The following AKAP6 variants were observed in gnomAD, a reference collection of about 807,000 sequenced individuals.
The protein encoded by AKAP6 is A-kinase anchor protein 6.
Under a neutral mutation model 188.5 loss-of-function variants are expected in AKAP6, and 58 were observed. That is an observed-to-expected ratio of 0.31 (90% CI 0.25 to 0.38). The LOEUF is 0.38. Among genes scored for constraint, AKAP6 ranks in the 10% least tolerant of loss-of-function variants. AKAP6 has a pLI of 1.00. For synonymous variants in AKAP6, 989 were observed against 998.6 expected (o/e 0.99, Z 0.18); for missense variants, 2,710 against 2,740.0 (o/e 0.99, Z 0.24).
At chr14:32,345,717 C>A (rs977312902) in intron 1 of AKAP6, among the ~76,000 whole-genome samples, 1 of 152,150 alleles carries the variant, frequency 6.6e-6, no homozygotes, top group Non-Finnish European at 1.5e-5. Flanking sequence ...CTCAGCCATT[C>A]CCTGGACTCT....
chr14:32,778,822 C>T (rs1466581126), intron 12 of AKAP6, among the ~76,000 whole-genome samples: 2 of 149,938 alleles, frequency 1.3e-5, no homozygotes, highest in African/African-American at 4.9e-5. Context: ...GCTGGGATTA[C>T]AGGCATGAGT....
chr14:32,746,444 G>A (rs72669831), intron 11 of AKAP6, among the ~76,000 whole-genome samples: 288 of 152,220 alleles, frequency 1.9e-3, no homozygotes, highest in Non-Finnish European at 3.5e-3. Context: ...TCTGGCCTAG[G>A]ATCATGTCTA....
At chr14:32,394,421 A>G (rs1348319004) in intron 1 of AKAP6, among the ~76,000 whole-genome samples, 2 of 152,194 alleles carry the variant, frequency 1.3e-5, no homozygotes, top group African/African-American at 4.8e-5. Flanking sequence ...GGTGGAGTAG[A>G]GTACGACCTG....
intron 2 of AKAP6, among the ~76,000 whole-genome samples, chr14:32,445,465 C>T (rs1890724782): frequency 6.6e-6 from 1 of 152,114 alleles, no homozygotes; most frequent in Non-Finnish European, 1.5e-5. Context: ...CTCTGCCTCC[C>T]TGGTTCTACC....
At chr14:32,537,204 A>T (rs10145960) in intron 3 of AKAP6, among the ~76,000 whole-genome samples, 2,353 of 152,346 alleles carry the variant, frequency 0.015, 53 homozygotes, top group African/African-American at 0.051. Context: ...AGAAGTCTAT[A>T]GGAATCAAAA....
At chr14:32,580,218 G>A (rs1884901562) in intron 5 of AKAP6, among the ~76,000 whole-genome samples, 1 of 152,028 alleles carries the variant, frequency 6.6e-6, no homozygotes, top group Non-Finnish European at 1.5e-5. Context: ...GAAACACTGT[G>A]AAATTGCAAT....
chr14:32,586,386 G>A (rs1312910719), intron 5 of AKAP6, among the ~76,000 whole-genome samples: 6 of 152,152 alleles, frequency 3.9e-5, no homozygotes, highest in South Asian at 2.1e-4. Flanking sequence ...CTAGCAGTTC[G>A]GGAGGTGGAG....
chr14:32,746,605 A>C (rs887045480), intron 11 of AKAP6, among the ~76,000 whole-genome samples: 2 of 152,186 alleles, frequency 1.3e-5, no homozygotes, highest in Non-Finnish European at 1.5e-5. Flanking sequence ...GTACAAGGGG[A>C]ATGATTAGGG....
intron 11 of AKAP6, among the ~76,000 whole-genome samples, chr14:32,741,832 T>TTTG (rs974592485): frequency 8.1e-5 from 12 of 147,570 alleles, no homozygotes; most frequent in African/African-American, 3.0e-4. Context: ...TTTTTTTTTT[T>TTTG]TTTTTTTTTT....
intron 8 of AKAP6, among the ~76,000 whole-genome samples, chr14:32,683,123 G>A (rs67218548): frequency 0.25 from 38,138 of 151,580 alleles, 6,189 homozygotes; most frequent in East Asian, 0.58. Context: ...TCTCTCAAGT[G>A]TCTGGGATTA....
intron 9 of AKAP6, chr14:32,718,392 C>T (rs2030344511): frequency 1.1e-6 from 1 of 941,778 alleles, no homozygotes; most frequent in Non-Finnish European, 1.3e-6. Context: ...GGGTAGGTAC[C>T]CAAAAGAAAC....
chr14:32,631,623 A>G (rs11627900), intron 7 of AKAP6, among the ~76,000 whole-genome samples: 35,381 of 151,662 alleles, frequency 0.23, 4,808 homozygotes, highest in South Asian at 0.38. Flanking sequence ...TTTCTTTGCT[A>G]TGATTGAACC....
At chr14:32,353,905 T>C (rs1887384841) in intron 1 of AKAP6, among the ~76,000 whole-genome samples, 1 of 151,850 alleles carries the variant, frequency 6.6e-6, no homozygotes, top group South Asian at 2.1e-4. Flanking sequence ...TTACAAGGGA[T>C]GTGAAGGACC....
At chr14:32,548,286 G>A (rs1210777271) in intron 4 of AKAP6, among the ~76,000 whole-genome samples, 1 of 152,014 alleles carries the variant, frequency 6.6e-6, no homozygotes, top group Admixed American at 6.6e-5. Flanking sequence ...ATTTTTAGTA[G>A]AGACGGGGTT....
At chr14:32,816,101 G>A (rs192558991) in intron 12 of AKAP6, among the ~76,000 whole-genome samples, 2 of 152,234 alleles carry the variant, frequency 1.3e-5, no homozygotes, top group Admixed American at 6.5e-5. Flanking sequence ...TGCTCAATAA[G>A]AGGCAGAGTA....
At chr14:32,550,420 TCCTC>T (rs1317569922) in intron 4 of AKAP6, among the ~76,000 whole-genome samples, 2 of 152,206 alleles carry the variant, frequency 1.3e-5, no homozygotes, top group African/African-American at 2.4e-5. Context: ...TCAAGTTCCT[TCCTC>T]AGGCCAGCTG....
intron 1 of AKAP6, among the ~76,000 whole-genome samples, chr14:32,394,694 GTGTC>G (rs1481135729): frequency 6.6e-6 from 1 of 152,106 alleles, no homozygotes; most frequent in Non-Finnish European, 1.5e-5. Flanking sequence ...TTTGTTGCAT[GTGTC>G]TGTTTTTACT....
chr14:32,535,706 G>A lies in AKAP6; in HGVS notation c.477G>A (p.Leu159=). ...LLWHQLRVSV[L]VLRERILQGL... is the part of the protein sequence containing the mutation. Reference sequence around the variant, plus strand: ...GGCACCAGCTTCGAGTCTCAGTGCTGGTTCTGCGGGAGCGCATTCTGCAAG... The same window carrying A: ...GGCACCAGCTTCGAGTCTCAGTGCTAGTTCTGCGGGAGCGCATTCTGCAAG... Residue 159 remains leucine (L), a synonymous_variant, in exon 3 of 14, where the codon CTG becomes CTA. Coordinates refer to ENST00000280979, the MANE Select transcript of AKAP6 (RefSeq NM_004274.5). 6.2e-7 allele frequency: 1 copy of A among 1,614,234 alleles called. No individual in the cohort carries two copies. Among genetic ancestry groups the A allele is most frequent in the South Asian group, 1.1e-5 (1 of 91,092 alleles).
intron 1 of AKAP6, among the ~76,000 whole-genome samples, chr14:32,390,189 C>T (rs556712541): frequency 1.6e-4 from 24 of 152,020 alleles, no homozygotes; most frequent in African/African-American, 4.6e-4. Flanking sequence ...TCCATTGTTT[C>T]CTGAAGTTTT....
Sources: allele counts gnomAD v4.1 joint callset (sites outside exome capture counted in the v4.1 genomes callset), GRCh38; gene constraint gnomAD v4.1.1; transcripts MANE v1.5; gene names NCBI Gene and HGNC (gene_info 2026-07-23, HGNC 2026-07-21).